The following COL5A1 variants were observed in gnomAD, a reference collection of about 807,000 sequenced individuals.
COL5A1 encodes the protein collagen type V alpha 1 chain, also known as collagen alpha-1(V) chain.
A neutral mutation model predicts 263.7 loss-of-function variants in COL5A1; 16 were observed. The observed-to-expected ratio is 0.06, with a 90% CI of 0.04 to 0.09. The LOEUF (loss-of-function observed/expected upper bound fraction) is 0.09, where lower values mean the gene tolerates loss of function less well. Among genes scored for constraint, COL5A1 ranks in the 10% least tolerant of loss-of-function variants. The pLI is 1.00. For missense variants in COL5A1, 2,036 were observed against 2,540.5 expected (o/e 0.80, Z 4.27); for synonymous variants, 1,012 against 1,004.5 (o/e 1.01, Z -0.14).
At position 134,769,354 on chromosome 9, in the gene COL5A1, C is replaced by T. The variant is rs79801391; in HGVS notation, c.2286+891C>T. On this transcript the variant is annotated intron_variant, in intron 25 of 65. Coordinates refer to ENST00000371817, the MANE Select transcript of COL5A1 (RefSeq NM_000093.5). ...AGTGGAGCCTTCTCATCCCCACGCG[C>T]GCAGCTGTGGGGCCCCGTGGTCACC... Among the ~76,000 whole-genome samples, 207 of 152,304 alleles carry T rather than the reference C, an allele frequency of 1.4e-3. 2 individuals carry two copies. Among genetic ancestry groups the T allele is most frequent in the African/African-American group, 4.6e-3 (193 of 41,560 alleles).
intron 25 of COL5A1, among the ~76,000 whole-genome samples, chr9:134,769,730 A>AG (rs1162110200): frequency 6.6e-6 from 1 of 150,774 alleles, no homozygotes; most frequent in African/African-American, 2.4e-5. Flanking sequence ...CACACGAGGA[A>AG]GGGGGGCCTG....
rs923787155 is a variant in COL5A1, at chr9:134,700,895, C to T, written c.492-276C>T. The stretch of plus-strand genomic sequence containing the variant: ...GCCAGTGCCGAGTGCTGTGTGCTCC[C>T]CCTTCCCCCTTTCACTTGGGCTCCC... On this transcript the variant is annotated intron_variant, in intron 3 of 65. Coordinates refer to ENST00000371817, the MANE Select transcript of COL5A1 (RefSeq NM_000093.5). The surrounding 1 kb of genome is among the most constrained non-coding windows in gnomAD (Gnocchi z 4.0). Among the ~76,000 whole-genome samples the T allele has an allele frequency of 3.9e-5, 6 of 152,178 alleles. No individual in the cohort carries two copies. Among genetic ancestry groups the T allele is most frequent in the Admixed American group, 3.3e-4 (5 of 15,278 alleles).
chr9:134,798,863 A>G (rs1285313057), intron 37 of COL5A1, among the ~76,000 whole-genome samples: 1 of 152,212 alleles, frequency 6.6e-6, no homozygotes. Flanking sequence ...ACGTCTTTTA[A>G]TTGAGAAAGT....
intron 17 of COL5A1, 80 bp downstream of exon 17, chr9:134,756,898 G>T: frequency 1.5e-6 from 2 of 1,362,048 alleles, no homozygotes; most frequent in Non-Finnish European, 1.1e-6. Context: ...CCAAAATGCT[G>T]GTTATGTGAT....
chr9:134,685,379 C>CCATT (rs1321361463), intron 1 of COL5A1, among the ~76,000 whole-genome samples: 1 of 149,542 alleles, frequency 6.7e-6, no homozygotes, highest in Non-Finnish European at 1.5e-5. Context: ...ATTCACCCAT[C>CCATT]CATTCATCCA....
At chr9:134,780,207 C>T (rs1033686387) in intron 28 of COL5A1, 61 bp downstream of exon 28, 6 of 1,516,496 alleles carry the variant, frequency 4.0e-6, no homozygotes, top group South Asian at 1.1e-5. Context: ...TTCCAGCCAG[C>T]GGGGCCCTCC....
chr9:134,680,980 C>T lies in COL5A1; in HGVS notation c.110-9932C>T, dbSNP rs916227066. Among the ~76,000 whole-genome samples, 3 of 152,178 alleles carry T rather than the reference C, an allele frequency of 2.0e-5. No homozygotes were observed. Among genetic ancestry groups the T allele is most frequent in the Admixed American group, 6.5e-5 (1 of 15,292 alleles). On this transcript the variant is annotated intron_variant, in intron 1 of 65. Coordinates refer to ENST00000371817, the MANE Select transcript of COL5A1 (RefSeq NM_000093.5). The surrounding 1 kb of genome is among the most constrained non-coding windows in gnomAD (Gnocchi z 5.9). ...AGAGGCCGGGCCATCTGCCATCCTC[C>T]CAGGATGGTGTCCTCGGCCTGTGCT...
chr9:134,713,381 G>A (rs1275132150), intron 4 of COL5A1, among the ~76,000 whole-genome samples: 1 of 152,226 alleles, frequency 6.6e-6, no homozygotes, highest in Non-Finnish European at 1.5e-5. Context: ...CAGCAGGGCT[G>A]TGTGCGCTCC....
At chr9:134,743,732 A>C (rs1405912032) in intron 11 of COL5A1, among the ~76,000 whole-genome samples, 1 of 152,096 alleles carries the variant, frequency 6.6e-6, no homozygotes, top group African/African-American at 2.4e-5. Context: ...CTGTCTTATC[A>C]GCCCCTCCTG....
At chr9:134,744,618 C>T (rs998456518) in intron 11 of COL5A1, among the ~76,000 whole-genome samples, 1 of 152,122 alleles carries the variant, frequency 6.6e-6, no homozygotes, top group African/African-American at 2.4e-5. Context: ...CCTGCACACA[C>T]ACTCATGCAC....
At chr9:134,734,726 A>C (rs542742869) in intron 9 of COL5A1, among the ~76,000 whole-genome samples, 10 of 152,332 alleles carry the variant, frequency 6.6e-5, no homozygotes, top group South Asian at 4.1e-4. Flanking sequence ...TTGTGCTTCC[A>C]GGCAGGAAGC....
chr9:134,692,003 G>A (rs544249689), intron 2 of COL5A1, among the ~76,000 whole-genome samples: 62 of 152,278 alleles, frequency 4.1e-4, no homozygotes, highest in African/African-American at 1.4e-3. Flanking sequence ...CTCTTTTGAG[G>A]GGCTGTTTCT....
rs1390851655 is a variant in COL5A1 at position 134,641,832 on chromosome 9, C to G, written c.-356C>G. Reference sequence around the variant, plus strand: ...GCACTCTCCGTCCCCGCGGCTGGCGCAGGACCTCACTCGAGCGGAGCGCCC... The same window carrying G: ...GCACTCTCCGTCCCCGCGGCTGGCGGAGGACCTCACTCGAGCGGAGCGCCC... On this transcript the variant is annotated 5_prime_UTR_variant, in exon 1 of 66. Transcript: ENST00000371817. 1.5e-5 allele frequency: 6 copies of G among 388,528 alleles called. No homozygotes were observed. Among genetic ancestry groups the G allele is most frequent in the African/African-American group, 4.2e-5 (2 of 48,116 alleles). The allele number at this position is 388,528 out of a possible 1,614,324, so 24.1% of individuals were successfully genotyped here. A position where few individuals can be genotyped will look rare whatever the true frequency, so the allele number is the denominator to read the frequency against.
chr9:134,798,565 TG>T, intron 37 of COL5A1, 104 bp downstream of exon 37: 2 of 748,638 alleles, frequency 2.7e-6, no homozygotes, highest in Non-Finnish European at 4.0e-6. Context: ...CCTCCTGGCC[TG>T]GGAGAGACAG....
chr9:134,791,432 C>A (rs1403910657), intron 32 of COL5A1, among the ~76,000 whole-genome samples: 2 of 152,182 alleles, frequency 1.3e-5, no homozygotes, highest in Non-Finnish European at 2.9e-5. Context: ...CCCGCATGAG[C>A]CTTCAGTGGC....
chr9:134,675,360 A>C (rs1406768742), intron 1 of COL5A1, among the ~76,000 whole-genome samples: 1 of 152,204 alleles, frequency 6.6e-6, no homozygotes, highest in East Asian at 1.9e-4. Flanking sequence ...CACTTAAAAA[A>C]AAATTTGTGC....
rs772426317 is a variant in COL5A1 at position 134,820,149 on chromosome 9, C to A, written c.4480C>A (p.Pro1494Thr). 1 of 1,614,034 alleles carries A rather than the reference C, an allele frequency of 6.2e-7. No homozygotes were observed. Among genetic ancestry groups the A allele is most frequent in the Non-Finnish European group, 8.5e-7 (1 of 1,179,998 alleles). Residue 1494 changes from proline to threonine, a missense_variant, in exon 58 of 66, where the codon CCG becomes ACG. Pro to Thr is a conservative substitution (Grantham distance 38). This residue lies in a region of COL5A1 where 1,078 missense variants were observed against 1,521.4 expected (regional missense o/e 0.71). Transcript: ENST00000371817. ...HPGLIGLIGP[P>T]GEQGEKGDRG... is the part of the protein sequence containing the mutation. Reference sequence around the variant, plus strand: ...AGGCCTGATCGGGCTCATCGGTCCTCCGGGTGAACAGGGTGAGAAGGGCGA... The same window carrying A: ...AGGCCTGATCGGGCTCATCGGTCCTACGGGTGAACAGGGTGAGAAGGGCGA...
intron 32 of COL5A1, among the ~76,000 whole-genome samples, chr9:134,792,891 GCGCGCGTGTGTGCA>G (rs1448458947): frequency 8.0e-3 from 288 of 36,094 alleles, no homozygotes; most frequent in African/African-American, 0.022. Context: ...ACGTGTGTGT[GCGCGCGTGTGTGCA>G]CGCGCGTGTG....
At chr9:134,679,574 C>T (rs182142737) in intron 1 of COL5A1, among the ~76,000 whole-genome samples, 448 of 34,306 alleles carry the variant, frequency 0.013, 24 homozygotes, top group Admixed American at 0.023. Flanking sequence ...GTGGGGCTGG[C>T]TAGGGGCACT....
Sources: allele counts gnomAD v4.1 joint callset (sites outside exome capture counted in the v4.1 genomes callset), GRCh38; gene constraint gnomAD v4.1.1; regional missense constraint gnomAD v4.1.1; non-coding constraint Gnocchi (gnomAD v3.1); transcripts MANE v1.5; gene names NCBI Gene and HGNC (gene_info 2026-07-23, HGNC 2026-07-21).